The following DCLK1 variants were observed in gnomAD, a reference collection of about 807,000 sequenced individuals.
DCLK1 encodes the protein doublecortin like kinase 1.
A neutral mutation model predicts 86.2 loss-of-function variants in DCLK1; 16 were observed. The observed-to-expected ratio is 0.19, with a 90% CI of 0.13 to 0.28. DCLK1 has a LOEUF of 0.28. Ranked by LOEUF, DCLK1 falls within the 10% of genes least tolerant of loss-of-function variation. The pLI, the probability that DCLK1 is intolerant of heterozygous loss-of-function variation, is 1.00. For synonymous variants in DCLK1, 369 were observed against 370.5 expected, an observed-to-expected ratio of 1.00 and a Z score of 0.05; for missense variants, 590 against 940.2, an observed-to-expected ratio of 0.63 and a Z score of 4.87.
At chr13:35,785,818 A>G (rs769999643) in intron 16 of DCLK1, among the ~76,000 whole-genome samples, 3 of 152,196 alleles carry the variant, frequency 2.0e-5, no homozygotes, top group African/African-American at 4.8e-5. Context: ...CCATGGTTAG[A>G]CAAATGCTCC....
At chr13:35,779,413 G>T (rs2086483519) in intron 16 of DCLK1, among the ~76,000 whole-genome samples, 1 of 151,922 alleles carries the variant, frequency 6.6e-6, no homozygotes, top group Admixed American at 6.6e-5. Flanking sequence ...ATTTTTCTTT[G>T]CATATTCCCC....
At chr13:35,790,883 C>T (rs1300976902) in intron 16 of DCLK1, among the ~76,000 whole-genome samples, 1 of 152,040 alleles carries the variant, frequency 6.6e-6, no homozygotes, top group Non-Finnish European at 1.5e-5. Flanking sequence ...GATAGTCAGC[C>T]TTTGCATTTT....
At chr13:35,849,770 C>A (rs1870473417) in intron 6 of DCLK1, 1 of 985,058 alleles carries the variant, frequency 1.0e-6, no homozygotes, top group African/African-American at 1.7e-5. Flanking sequence ...TTTGGATACT[C>A]TGGGCCTGAT....
intron 4 of DCLK1, among the ~76,000 whole-genome samples, chr13:35,889,617 G>C (rs1566587902): frequency 6.6e-6 from 1 of 152,056 alleles, no homozygotes; most frequent in Non-Finnish European, 1.5e-5. Context: ...CTGTAATTCT[G>C]ATTCATTCCA....
chr13:35,851,019 T>C (rs1386281460), intron 6 of DCLK1, among the ~76,000 whole-genome samples: 1 of 152,232 alleles, frequency 6.6e-6, no homozygotes, highest in Non-Finnish European at 1.5e-5. Context: ...TTTGCCTTCC[T>C]TGATGCCCGT....
chr13:36,050,778 AT>A (rs1404226029), intron 3 of DCLK1, among the ~76,000 whole-genome samples: 1 of 152,090 alleles, frequency 6.6e-6, no homozygotes. Flanking sequence ...GATTCAGTTC[AT>A]TTCTCTATTT....
chr13:35,990,712 C>T (rs142074432), intron 3 of DCLK1, among the ~76,000 whole-genome samples: 1 of 152,196 alleles, frequency 6.6e-6, no homozygotes, highest in East Asian at 1.9e-4. Flanking sequence ...TAAGTCAGGG[C>T]AGATGGTTTC....
At chr13:35,957,454 G>GT (rs1427368838) in intron 3 of DCLK1, among the ~76,000 whole-genome samples, 2 of 152,154 alleles carry the variant, frequency 1.3e-5, no homozygotes, top group African/African-American at 4.8e-5. Flanking sequence ...GACCTATGAT[G>GT]TGTGAGGCCC....
chr13:36,023,110 G>T (rs910329301), intron 3 of DCLK1, among the ~76,000 whole-genome samples: 1 of 152,192 alleles, frequency 6.6e-6, no homozygotes, highest in African/African-American at 2.4e-5. Flanking sequence ...ATTAGTCAGG[G>T]TTCTCCAGAG....
At chr13:35,843,974 C>T (rs1009952243) in intron 6 of DCLK1, among the ~76,000 whole-genome samples, 2 of 152,102 alleles carry the variant, frequency 1.3e-5, no homozygotes, top group African/African-American at 4.8e-5. Context: ...GCTTGAAACC[C>T]ACAGAATTCT....
intron 4 of DCLK1, among the ~76,000 whole-genome samples, chr13:35,907,382 C>T (rs1193677610): frequency 2.6e-5 from 4 of 151,960 alleles, no homozygotes; most frequent in Non-Finnish European, 5.9e-5. Context: ...AGGCTGGTCT[C>T]GAACTCCTGG....
At chr13:36,119,946 G>A (rs1173033606) in intron 2 of DCLK1, among the ~76,000 whole-genome samples, 1 of 152,162 alleles carries the variant, frequency 6.6e-6, no homozygotes, top group Non-Finnish European at 1.5e-5. Flanking sequence ...GAAGATGGGT[G>A]AAGGGTAAAC....
intron 4 of DCLK1, among the ~76,000 whole-genome samples, chr13:35,910,548 A>G (rs1874955684): frequency 6.6e-6 from 1 of 152,224 alleles, no homozygotes; most frequent in South Asian, 2.1e-4. Flanking sequence ...TGATGTCAAC[A>G]TATTTCTTAG....
At chr13:36,027,383 C>T (rs1882088792) in intron 3 of DCLK1, among the ~76,000 whole-genome samples, 1 of 152,228 alleles carries the variant, frequency 6.6e-6, no homozygotes, top group South Asian at 2.1e-4. Flanking sequence ...GCCCACTGCT[C>T]ACCTCATGCT....
intron 11 of DCLK1, 63 bp from the exon 12 acceptor site, chr13:35,811,031 GAAATGAGGAACACTGTGTTT>G: frequency 6.2e-7 from 1 of 1,600,070 alleles, no homozygotes; most frequent in East Asian, 2.2e-5. Context: ...CTTTCTTGAA[GAAATGAGGAACACTGTGTTT>G]AAATTTAATG....
intron 16 of DCLK1, among the ~76,000 whole-genome samples, chr13:35,784,266 A>G (rs2086580872): frequency 1.3e-5 from 2 of 152,344 alleles, no homozygotes; most frequent in Admixed American, 6.5e-5. Flanking sequence ...TTTACACTCA[A>G]TGATTAAGAC....
chr13:36,113,155 A>C (rs985417337), intron 2 of DCLK1, among the ~76,000 whole-genome samples: 1 of 152,238 alleles, frequency 6.6e-6, no homozygotes, highest in African/African-American at 2.4e-5. Flanking sequence ...AATTGTAGGT[A>C]AAATGACCGA....
At chr13:35,948,735 G>A (rs963834074) in intron 3 of DCLK1, among the ~76,000 whole-genome samples, 9 of 152,106 alleles carry the variant, frequency 5.9e-5, no homozygotes, top group African/African-American at 1.4e-4. Flanking sequence ...CATTAAGCAC[G>A]AATGAGGTAC....
intron 3 of DCLK1, among the ~76,000 whole-genome samples, chr13:36,033,271 A>G (rs1265397285): frequency 6.6e-6 from 1 of 152,200 alleles, no homozygotes; most frequent in Non-Finnish European, 1.5e-5. Context: ...GTTATTGCCC[A>G]TGTAATTTTG....
Sources: allele counts gnomAD v4.1 joint callset (sites outside exome capture counted in the v4.1 genomes callset), GRCh38; gene constraint gnomAD v4.1.1; transcripts MANE v1.5; gene names NCBI Gene and HGNC (gene_info 2026-07-23, HGNC 2026-07-21).